The following DNM2 variants were observed in gnomAD, a reference collection of about 807,000 sequenced individuals.
DNM2 encodes dynamin 2.
DNM2 carries 15 observed loss-of-function variants against 99.0 expected under a neutral mutation model. That is an observed-to-expected ratio of 0.15 (90% confidence interval 0.10 to 0.23). DNM2 has a LOEUF of 0.23. Ranked by LOEUF, DNM2 falls within the 10% of genes least tolerant of loss-of-function variation. The pLI, the probability that DNM2 is intolerant of heterozygous loss-of-function variation, is 1.00. For synonymous variants in DNM2, 525 were observed against 481.2 expected, an observed-to-expected ratio of 1.09 and a Z score of -1.19; for missense variants, 742 against 1,189.4, an observed-to-expected ratio of 0.62 and a Z score of 5.53.
intron 1 of DNM2, among the ~76,000 whole-genome samples, chr19:10,747,192 C>A (rs994656315): frequency 6.6e-6 from 1 of 151,964 alleles, no homozygotes; most frequent in South Asian, 2.1e-4. Flanking sequence ...TTCGATGGGG[C>A]GAATGTTCTC....
chr19:10,718,819 G>A (rs1021093590), intron 1 of DNM2, among the ~76,000 whole-genome samples: 4 of 152,096 alleles, frequency 2.6e-5, no homozygotes, highest in Non-Finnish European at 4.4e-5. Context: ...TGGCTGGCTT[G>A]TTCTTGTATC....
rs569713231 is a variant in DNM2 at position 10,796,849 on chromosome 19, G to A, written c.1197-531G>A. The stretch of plus-strand genomic sequence containing the variant: ...GGCTCCCCCAACCCGCGCCAACGCC[G>A]CGGGCCTGGTTCCCAGGGCAGCACG... On this transcript the variant is annotated intron_variant, in intron 9 of 20. Coordinates refer to ENST00000389253, the MANE Select transcript of DNM2 (RefSeq NM_001005361.3). The surrounding 1 kb of genome is among the most constrained non-coding windows in gnomAD (Gnocchi z 5.6). Among the ~76,000 whole-genome samples the A allele has an allele frequency of 3.9e-5, 6 of 152,218 alleles. No homozygotes were observed. In the South Asian group the frequency reaches 6.2e-4, roughly 16 times the overall value.
At position 10,831,630 on chromosome 19, in the gene DNM2, G is replaced by A; in HGVS notation, c.*583G>A. 1 of 986,078 alleles carries A rather than the reference G, an allele frequency of 1.0e-6. No individual in the cohort carries two copies. Among genetic ancestry groups the A allele is most frequent in the Non-Finnish European group, 1.2e-6 (1 of 830,154 alleles). The allele number at this position is 986,078 out of a possible 1,614,324, so 61.1% of individuals were successfully genotyped here. A position where few individuals can be genotyped will look rare whatever the true frequency, so the allele number is the denominator to read the frequency against. ...TCGGCTGCCAGAGGTGCCTTTGCTA[G>A]GCCCGGAGCCGTTGGCCCGGGCCGG... is the stretch of plus-strand genomic sequence containing the variant. On this transcript the variant is annotated 3_prime_UTR_variant, in exon 21 of 21. Coordinates refer to ENST00000389253, the MANE Select transcript of DNM2 (RefSeq NM_001005361.3). The surrounding 1 kb of genome is among the most constrained non-coding windows in gnomAD (Gnocchi z 4.3).
At position 10,796,672 on chromosome 19, in the gene DNM2, C is replaced by T. The variant is rs368844516; in HGVS notation, c.1197-708C>T. On this transcript the variant is annotated intron_variant, in intron 9 of 20. Transcript: ENST00000389253. This position sits in a 1 kb window ranked among gnomAD's most constrained non-coding sequence, Gnocchi z 5.6. ...CCGGGAATGGCCTGAATGCCAGCGACATCATGAGAGCCAGCTGGGGTCCTA... is the reference window on the plus strand; with the variant it reads ...CCGGGAATGGCCTGAATGCCAGCGATATCATGAGAGCCAGCTGGGGTCCTA... Among the ~76,000 whole-genome samples the T allele has an allele frequency of 5.8e-4, 89 of 152,284 alleles. No homozygotes were observed. The South Asian group carries it at 0.011, about 19-fold the overall frequency.
In DNM2 at chr19:10,775,513, A is replaced by C. The variant is rs1179507907; in HGVS notation, c.386-190A>C. The stretch of plus-strand genomic sequence containing the variant: ...GTGCCATTGAAATGGAGTAGGTAGA[A>C]GGTATCTGTAGGATGGGATCCTAGA... On this transcript the variant is annotated intron_variant, in intron 3 of 20. Transcript: ENST00000389253. The surrounding 1 kb of genome is among the most constrained non-coding windows in gnomAD (Gnocchi z 4.3). 6.6e-6 allele frequency among the ~76,000 whole-genome samples: 1 copy of C among 152,200 alleles called. No homozygotes were observed. The highest frequency in any genetic ancestry group is 6.6e-5 in the Admixed American group (1 of 15,266).
At chr19:10,760,709 C>G (rs77048832) in intron 2 of DNM2, among the ~76,000 whole-genome samples, 1 of 151,628 alleles carries the variant, frequency 6.6e-6, no homozygotes, top group Non-Finnish European at 1.5e-5. Flanking sequence ...TTCCCCAGGC[C>G]GTGCAGTGGT....
intron 16 of DNM2, 48 bp from the exon 17 acceptor site, chr19:10,823,740 C>A: frequency 2.5e-6 from 4 of 1,579,060 alleles, no homozygotes; most frequent in Non-Finnish European, 3.5e-6. Context: ...GTCTGCCAGA[C>A]CCATGGCAGG....
At chr19:10,826,678 G>A (rs947527447) in intron 18 of DNM2, among the ~76,000 whole-genome samples, 2 of 151,990 alleles carry the variant, frequency 1.3e-5, no homozygotes, top group South Asian at 4.1e-4. Context: ...TTGAGCCCAG[G>A]AGCTGAAGAC....
chr19:10,741,014 A>C (rs1466104374), intron 1 of DNM2, among the ~76,000 whole-genome samples: 1 of 152,146 alleles, frequency 6.6e-6, no homozygotes, highest in African/African-American at 2.4e-5. Flanking sequence ...GTCCTGGAGA[A>C]TGTTCCATAT....
At chr19:10,800,856 AGC>A (rs1259412265) in intron 11 of DNM2, among the ~76,000 whole-genome samples, 4 of 152,256 alleles carry the variant, frequency 2.6e-5, no homozygotes, top group African/African-American at 9.6e-5. Flanking sequence ...TGGACTCATA[AGC>A]CCTGCTCCTC....
chr19:10,829,083 G>A lies in DNM2; in HGVS notation c.2106G>A (p.Ser702=), dbSNP rs554971107. 42 of 1,613,824 alleles carry A rather than the reference G, an allele frequency of 2.6e-5. No homozygotes were observed. Among genetic ancestry groups the A allele is most frequent in the South Asian group, 1.2e-4 (11 of 91,054 alleles). Residue 702 remains serine (S), a synonymous_variant, in exon 19 of 21, where the codon TCG becomes TCA. Transcript: ENST00000389253. ...HHELLAYLYS[S]ADQSSLMEES... is the part of the protein sequence containing the mutation. ...AGCTGCTGGCCTACCTATACTCCTCGGCAGACCAGAGCAGCCTCATGGAGG... is the reference window on the plus strand; with the variant it reads ...AGCTGCTGGCCTACCTATACTCCTCAGCAGACCAGAGCAGCCTCATGGAGG...
chr19:10,820,409 C>T lies in DNM2; in HGVS notation c.1781+320C>T, dbSNP rs1384294584. 2.0e-5 allele frequency among the ~76,000 whole-genome samples: 3 copies of T among 152,170 alleles called. No individual in the cohort carries two copies. Among genetic ancestry groups the T allele is most frequent in the Non-Finnish European group, 4.4e-5 (3 of 68,038 alleles). ...AGCCCTCTGGTGGCTGAGAGGGAAA[C>T]AGTATGAGAGGGTGAGAGATGGGGG... On this transcript the variant is annotated intron_variant, in intron 16 of 20. Transcript: ENST00000389253. This position sits in a 1 kb window ranked among gnomAD's most constrained non-coding sequence, Gnocchi z 4.3.
intron 11 of DNM2, among the ~76,000 whole-genome samples, chr19:10,799,071 A>T (rs902855692): frequency 6.6e-6 from 1 of 152,148 alleles, no homozygotes; most frequent in African/African-American, 2.4e-5. Context: ...ACGAAAACAT[A>T]AAAAAATTAG....
chr19:10,739,168 G>C (rs997634663), intron 1 of DNM2, among the ~76,000 whole-genome samples: 1 of 152,052 alleles, frequency 6.6e-6, no homozygotes, highest in Non-Finnish European at 1.5e-5. Flanking sequence ...GCGAGACTCC[G>C]TCTCAAAAAT....
chr19:10,791,764 T>G (rs1362925242), intron 7 of DNM2, among the ~76,000 whole-genome samples: 1 of 152,104 alleles, frequency 6.6e-6, no homozygotes, highest in Non-Finnish European at 1.5e-5. Context: ...TTTGCTGACC[T>G]TGGTCCTGGT....
chr19:10,831,055 G>A lies in DNM2; in HGVS notation c.*8G>A, dbSNP rs764535055. On this transcript the variant is annotated 3_prime_UTR_variant, in exon 21 of 21. Transcript: ENST00000389253. This position sits in a 1 kb window ranked among gnomAD's most constrained non-coding sequence, Gnocchi z 4.3. ...CCATCCCTGCTCGACTAGGCCTCGAGGGGGGCGTGCTCTCGGGGGGGCCTC... is the reference window on the plus strand; with the variant it reads ...CCATCCCTGCTCGACTAGGCCTCGAAGGGGGCGTGCTCTCGGGGGGGCCTC... The A allele has an allele frequency of 1.8e-5, 28 of 1,598,560 alleles. No homozygotes were observed. The highest frequency in any genetic ancestry group is 1.7e-4 in the Admixed American group (10 of 58,396).
At chr19:10,766,721 G>A (rs898719611) in intron 2 of DNM2, among the ~76,000 whole-genome samples, 1 of 152,116 alleles carries the variant, frequency 6.6e-6, no homozygotes, top group Non-Finnish European at 1.5e-5. Flanking sequence ...GGAAAAACCC[G>A]CAAGTACAAC....
At chr19:10,788,622 G>A (rs2071647434) in intron 7 of DNM2, among the ~76,000 whole-genome samples, 1 of 152,192 alleles carries the variant, frequency 6.6e-6, no homozygotes, top group African/African-American at 2.4e-5. Flanking sequence ...CTCCAGCTTG[G>A]CCTCTTAAGA....
intron 1 of DNM2, among the ~76,000 whole-genome samples, chr19:10,730,408 G>A (rs1191894954): frequency 2.0e-5 from 3 of 152,156 alleles, no homozygotes; most frequent in South Asian, 2.1e-4. Context: ...CTAGGGTAGC[G>A]GTGGAACTTG....
Sources: allele counts gnomAD v4.1 joint callset (sites outside exome capture counted in the v4.1 genomes callset), GRCh38; gene constraint gnomAD v4.1.1; non-coding constraint Gnocchi (gnomAD v3.1); transcripts MANE v1.5; gene names NCBI Gene and HGNC (gene_info 2026-07-23, HGNC 2026-07-21).